Variants in PVT1 observed in about 807,000 individuals in gnomAD.
The protein encoded by PVT1 is Pvt1 oncogene.
chr8:128,076,997 G>A, intron 5 of PVT1, among the ~76,000 whole-genome samples: 1 of 152,200 alleles, frequency 6.6e-6, no homozygotes. Flanking sequence ...GTATTCCCCT[G>A]CTTTGAGGCT....
chr8:127,922,283 C>A (rs1190352099), intron 3 of PVT1, among the ~76,000 whole-genome samples: 1 of 144,318 alleles, frequency 6.9e-6, no homozygotes, highest in African/African-American at 2.6e-5. Flanking sequence ...CCCACCCCCC[C>A]CCCCACCAAG....
intron 3 of PVT1, among the ~76,000 whole-genome samples, chr8:127,963,983 G>A (rs1279168791): frequency 6.6e-6 from 1 of 152,222 alleles, no homozygotes; most frequent in Non-Finnish European, 1.5e-5. Flanking sequence ...GTTGAATGTC[G>A]AGTGGAGAAT....
intron 3 of PVT1, among the ~76,000 whole-genome samples, chr8:127,952,770 A>AT (rs200553184): frequency 0.63 from 93,286 of 148,560 alleles, 29,511 homozygotes; most frequent in Middle Eastern, 0.69. Flanking sequence ...TTGTGCCTGC[A>AT]TTTTTTTTTT....
chr8:127,798,808 G>A (rs918323311), intron 2 of PVT1, among the ~76,000 whole-genome samples: 27 of 152,016 alleles, frequency 1.8e-4, no homozygotes, highest in Admixed American at 4.6e-4. Context: ...CCCGGGAGAC[G>A]GAGTTTGCAG....
chr8:128,069,178 C>T (rs1424891652), intron 4 of PVT1, among the ~76,000 whole-genome samples: 2 of 152,138 alleles, frequency 1.3e-5, no homozygotes. Context: ...TTACACAAAA[C>T]CTGTATAGAG....
chr8:127,870,815 C>A (rs968696393), intron 2 of PVT1, among the ~76,000 whole-genome samples: 6 of 152,152 alleles, frequency 3.9e-5, no homozygotes, highest in Admixed American at 1.3e-4. Flanking sequence ...TGATTAAATG[C>A]GATGATGCAT....
chr8:127,883,774 A>G (rs1346235938), intron 2 of PVT1, among the ~76,000 whole-genome samples: 1 of 152,214 alleles, frequency 6.6e-6, no homozygotes, highest in Non-Finnish European at 1.5e-5. Context: ...GGCTGGGGCC[A>G]CGTTTTCTTG....
intron 2 of PVT1, among the ~76,000 whole-genome samples, chr8:127,825,565 AGAT>A (rs893174564): frequency 1.2e-4 from 18 of 152,226 alleles, no homozygotes; most frequent in African/African-American, 3.9e-4. Flanking sequence ...GGCACACAGT[AGAT>A]GATGACATCT....
intron 3 of PVT1, among the ~76,000 whole-genome samples, chr8:127,966,924 C>A (rs923925589): frequency 5.3e-5 from 8 of 152,158 alleles, no homozygotes; most frequent in African/African-American, 1.7e-4. Flanking sequence ...AGACTCCATG[C>A]CCCCTGTCAC....
chr8:127,846,929 C>T (rs1049947082), intron 2 of PVT1, among the ~76,000 whole-genome samples: 6 of 151,340 alleles, frequency 4.0e-5, no homozygotes, highest in East Asian at 3.9e-4. Context: ...GATCCGCCCA[C>T]CTCGGCCTCC....
chr8:128,042,272 A>G (rs1813554450), intron 4 of PVT1, among the ~76,000 whole-genome samples: 1 of 152,188 alleles, frequency 6.6e-6, no homozygotes, highest in South Asian at 2.1e-4. Flanking sequence ...TGTTTAACCC[A>G]TATTTTCCAA....
intron 4 of PVT1, among the ~76,000 whole-genome samples, chr8:128,028,086 C>A (rs1025834095): frequency 1.3e-5 from 2 of 152,276 alleles, no homozygotes; most frequent in East Asian, 1.9e-4. Flanking sequence ...GCCCACACGG[C>A]CTCCTTTTGT....
At chr8:127,983,311 A>G (rs1013206662) in intron 3 of PVT1, among the ~76,000 whole-genome samples, 1 of 152,124 alleles carries the variant, frequency 6.6e-6, no homozygotes, top group African/African-American at 2.4e-5. Context: ...TTCAAATGAA[A>G]TTTCAGCCTT....
At chr8:127,927,054 A>C (rs950662516) in intron 3 of PVT1, among the ~76,000 whole-genome samples, 1 of 152,180 alleles carries the variant, frequency 6.6e-6, no homozygotes, top group Non-Finnish European at 1.5e-5. Context: ...GGAAGGCTGC[A>C]TGGGAAACTC....
At chr8:128,078,569 G>T (rs569059956) in intron 5 of PVT1, among the ~76,000 whole-genome samples, 1 of 152,102 alleles carries the variant, frequency 6.6e-6, no homozygotes, top group Non-Finnish European at 1.5e-5. Context: ...TGGAGGTGGT[G>T]TTATTGTTAT....
intron 4 of PVT1, among the ~76,000 whole-genome samples, chr8:128,041,072 G>A (rs1455549971): frequency 6.7e-6 from 1 of 149,338 alleles, no homozygotes; most frequent in East Asian, 2.0e-4. Flanking sequence ...GTGCTTGTGT[G>A]TATTTGTGCA....
rs1179815876 is a variant in PVT1 at position 127,809,042 on chromosome 8, A to AG, written n.372+12971_372+12972insG. The stretch of plus-strand genomic sequence containing the variant: ...GAGATTCCATCTCAAAAAAAAAAAA[A>AG]AAAAAAAAAAAAAGAAAGAAAAAAA... On this transcript the variant is annotated intron_variant and non_coding_transcript_variant, in intron 2 of 10. Transcript: ENST00000651587. Among the ~76,000 whole-genome samples, 20 of 112,762 alleles carry AG rather than the reference A, an allele frequency of 1.8e-4. 1 individual carries two copies. The highest frequency in any genetic ancestry group is 4.2e-4 in the Admixed American group (5 of 12,038). 74.0% of individuals were successfully genotyped at this position (112,762 alleles called of 152,430 possible). A position where few individuals can be genotyped will look rare whatever the true frequency, so the allele number is the denominator to read the frequency against.
chr8:127,910,229 T>C (rs1176164727), intron 3 of PVT1, among the ~76,000 whole-genome samples: 2 of 151,862 alleles, frequency 1.3e-5, no homozygotes, highest in Admixed American at 6.6e-5. Flanking sequence ...GGTGGGAAGA[T>C]TGGGGAGATG....
chr8:127,799,735 C>T (rs1045511215), intron 2 of PVT1, among the ~76,000 whole-genome samples: 1 of 152,156 alleles, frequency 6.6e-6, no homozygotes, highest in African/African-American at 2.4e-5. Flanking sequence ...GACCTGGGCT[C>T]ATAAGTGAGC....
Sources: allele counts gnomAD v4.1 joint callset (sites outside exome capture counted in the v4.1 genomes callset), GRCh38; gene constraint gnomAD v4.1.1; transcripts MANE v1.5; gene names NCBI Gene and HGNC (gene_info 2026-07-23, HGNC 2026-07-21).